The following BRF1 variants were observed in gnomAD, a reference collection of about 807,000 sequenced individuals.
BRF1 encodes transcription factor IIIB 90 kDa subunit.
Under a neutral mutation model 81.7 loss-of-function variants are expected in BRF1, and 59 were observed. The ratio of observed to expected loss-of-function variants is 0.72; its 90% confidence interval spans 0.59 to 0.90. BRF1 has a LOEUF of 0.90. Ranked by LOEUF, BRF1 falls within the 40% of genes least tolerant of loss-of-function variation. The probability of loss-of-function intolerance (pLI) is 0.00; values close to 1 mark genes in which losing one functional copy is unlikely to be tolerated. For missense variants in BRF1, 1,050 were observed against 936.3 expected (o/e 1.12, Z -1.58); for synonymous variants, 491 against 395.6 (o/e 1.24, Z -2.86).
At chr14:105,252,079 C>G (rs1053242151) in intron 5 of BRF1, among the ~76,000 whole-genome samples, 1 of 152,154 alleles carries the variant, frequency 6.6e-6, no homozygotes, top group Admixed American at 6.5e-5. Context: ...TCCCTTAAAC[C>G]TTGTCCACAC....
At position 105,210,645 on chromosome 14, in the gene BRF1, C is replaced by A. The variant is rs1033240855; in HGVS notation, c.1997-57G>T. The A allele has an allele frequency of 6.3e-7, 1 of 1,584,714 alleles. No homozygotes were observed. Among genetic ancestry groups the A allele is most frequent in the Non-Finnish European group, 8.6e-7 (1 of 1,163,194 alleles). ...TCTCTGTGGGACCCAGGAGCCCAGA[C>A]CCCCCAACCCGCCCTGTTCCTGGTG... On this transcript the variant is annotated intron_variant, in intron 17 of 17. Transcript: ENST00000547530. This position sits in a 1 kb window ranked among gnomAD's most constrained non-coding sequence, Gnocchi z 4.7.
chr14:105,280,457 CTACGCATTCATCTAAACCCA>C (rs1270703860), intron 2 of BRF1, among the ~76,000 whole-genome samples: 1 of 152,272 alleles, frequency 6.6e-6, no homozygotes, highest in African/African-American at 2.4e-5. Flanking sequence ...TTACCCGTCA[CTACGCATTCATCTAAACCCA>C]TAGAACACGC....
Position 105,241,191 on chromosome 14 carries a change from A to T in BRF1, c.694+74T>A. On this transcript the variant is annotated intron_variant, in intron 6 of 17. Transcript: ENST00000547530. ...CTGCAAACATACGGCCCAGCCCACCAGCACTCAGGAGTCAGGAAAGTGTGA... is the reference window on the plus strand; with the variant it reads ...CTGCAAACATACGGCCCAGCCCACCTGCACTCAGGAGTCAGGAAAGTGTGA... 3.2e-6 allele frequency: 5 copies of T among 1,576,820 alleles called. No individual in the cohort carries two copies. The South Asian group carries it at 5.6e-5, about 18-fold the overall frequency.
rs115434723 is a variant in BRF1, at chr14:105,269,759, C to G, written c.439+2962G>C. 0.014 allele frequency among the ~76,000 whole-genome samples: 2,189 copies of G among 152,290 alleles called. 47 individuals are homozygous for G. The highest frequency in any genetic ancestry group is 0.05 in the African/African-American group (2,096 of 41,554). On this transcript the variant is annotated intron_variant, in intron 3 of 17. Transcript: ENST00000547530. The surrounding 1 kb of genome is among the most constrained non-coding windows in gnomAD (Gnocchi z 5.0). ...CCATGTCCCAGGGCATCTGTCCCCC[C>G]CACAGGAGGCCCAGTGAGGCAGCAG... is the stretch of plus-strand genomic sequence containing the variant.
At chr14:105,218,544 G>C (rs1489999094) in intron 14 of BRF1, among the ~76,000 whole-genome samples, 4 of 152,214 alleles carry the variant, frequency 2.6e-5, no homozygotes, top group Admixed American at 1.3e-4. Flanking sequence ...GTCACTCAGA[G>C]GCTCAACCAC....
chr14:105,241,665 C>A (rs2054658729), intron 5 of BRF1: 2 of 558,192 alleles, frequency 3.6e-6, no homozygotes, highest in Admixed American at 6.2e-5. Context: ...AGGCAGCGTG[C>A]TCCTACTGCA....
chr14:105,223,063 C>A (rs1000035406), intron 10 of BRF1, among the ~76,000 whole-genome samples: 1 of 152,110 alleles, frequency 6.6e-6, no homozygotes, highest in African/African-American at 2.4e-5. Flanking sequence ...TGTGGTGGTG[C>A]CCGCCTGCAG....
At chr14:105,223,982 A>G (rs925360629) in intron 10 of BRF1, among the ~76,000 whole-genome samples, 1 of 152,234 alleles carries the variant, frequency 6.6e-6, no homozygotes, top group African/African-American at 2.4e-5. Context: ...TTAACGATGT[A>G]CAGCCAATCA....
intron 3 of BRF1, among the ~76,000 whole-genome samples, chr14:105,270,993 G>A (rs994959479): frequency 3.3e-5 from 5 of 152,020 alleles, no homozygotes; most frequent in Non-Finnish European, 5.9e-5. Flanking sequence ...GACCAAGACA[G>A]AAAAGAGCTC....
At chr14:105,287,070 G>C (rs937942993) in intron 1 of BRF1, among the ~76,000 whole-genome samples, 2 of 152,182 alleles carry the variant, frequency 1.3e-5, no homozygotes, top group African/African-American at 4.8e-5. Flanking sequence ...AGGCCCCCAC[G>C]CCTCAGTCCA....
At chr14:105,226,426 G>C (rs777743285) in intron 8 of BRF1, 136 bp from the exon 9 acceptor site, 70 of 1,451,914 alleles carry the variant, frequency 4.8e-5, no homozygotes, top group Non-Finnish European at 6.4e-5. Context: ...TGGAGCTATG[G>C]GCCTGTGTCC....
At chr14:105,248,940 G>A (rs1371475856) in intron 5 of BRF1, 1 of 984,096 alleles carries the variant, frequency 1.0e-6, no homozygotes, top group Non-Finnish European at 1.2e-6. Flanking sequence ...CGCCGGCGCC[G>A]CCGTGGGCAG....
chr14:105,282,170 A>C (rs2057134003), intron 2 of BRF1, among the ~76,000 whole-genome samples: 1 of 152,188 alleles, frequency 6.6e-6, no homozygotes, highest in Admixed American at 6.5e-5. Context: ...TGCCTGTCTC[A>C]ACCCCTTGGC....
At chr14:105,294,475 C>G (rs147865995) in intron 1 of BRF1, among the ~76,000 whole-genome samples, 1 of 152,268 alleles carries the variant, frequency 6.6e-6, no homozygotes, top group Non-Finnish European at 1.5e-5. Context: ...GGAAACCCTG[C>G]GTCTGCTGCC....
Position 105,209,487 on chromosome 14 carries a change from G to A in BRF1, c.*1064C>T, listed in dbSNP as rs772889932. 7.0e-5 allele frequency: 49 copies of A among 700,878 alleles called. No homozygotes were observed. The highest frequency in any genetic ancestry group is 5.6e-4 in the Admixed American group (28 of 49,936). 43.4% of individuals were successfully genotyped at this position (700,878 alleles called of 1,614,324 possible). A position where few individuals can be genotyped will look rare whatever the true frequency, so the allele number is the denominator to read the frequency against. ...AGGCCCCTGGGGGTCAGTGAGGCAC[G>A]GCTCTGCCTCAAGGCCACCCCCTCC... On this transcript the variant is annotated 3_prime_UTR_variant, in exon 18 of 18. Coordinates refer to ENST00000547530, the MANE Select transcript of BRF1 (RefSeq NM_001519.4).
intron 16 of BRF1, 161 bp downstream of exon 16, chr14:105,211,952 G>A (rs587702591): frequency 3.0e-5 from 32 of 1,070,664 alleles, no homozygotes; most frequent in Middle Eastern, 2.9e-4. Context: ...TCCCACCCTC[G>A]GGCCTCGATT....
intron 5 of BRF1, chr14:105,247,867 AG>A (rs763424104): frequency 3.8e-5 from 37 of 985,636 alleles, no homozygotes; most frequent in Non-Finnish European, 4.3e-5. Flanking sequence ...TCATCAGCAA[AG>A]CCAGTGCCCC....
At chr14:105,312,968 G>A (rs11847295) in intron 1 of BRF1, among the ~76,000 whole-genome samples, 8,255 of 152,124 alleles carry the variant, frequency 0.054, 778 homozygotes, top group African/African-American at 0.19. Flanking sequence ...CTCACAGGCC[G>A]CCATCTCCTC....
chr14:105,248,990 AGCGCCGCCGCCGCCCGCGCCC>A (rs1566833437), intron 5 of BRF1: 7 of 994,110 alleles, frequency 7.0e-6, no homozygotes, highest in Admixed American at 6.3e-5. Context: ...CCCCCGCGCC[AGCGCCGCCGCCGCCCGCGCCC>A]GCGCCGCCCA....
Sources: gnomAD v4.1 joint callset for allele counts (sites outside exome capture counted in the v4.1 genomes callset) on GRCh38, gnomAD v4.1.1 for gene constraint, Gnocchi (gnomAD v3.1) non-coding constraint, MANE v1.5 for transcripts, NCBI Gene and HGNC (gene_info 2026-07-23, HGNC 2026-07-21) for gene names.